CHODL: variants seen among roughly 807,000 people sequenced by gnomAD.
CHODL encodes chondrolectin.
A neutral mutation model predicts 34.5 loss-of-function variants in CHODL; 29 were observed. The observed-to-expected ratio is 0.84, with a 90% CI of 0.63 to 1.15. CHODL has a LOEUF of 1.15. Ranked by LOEUF, CHODL falls within the 50% of genes most tolerant of loss-of-function variation. The pLI, the probability that CHODL is intolerant of heterozygous loss-of-function variation, is 0.00. For missense variants in CHODL, 332 were observed against 332.5 expected (o/e 1.00, Z 0.01); for synonymous variants, 125 against 116.1 (o/e 1.08, Z -0.49).
At chr21:18,240,349 A>G (rs551887952), upstream of CHODL, among the ~76,000 whole-genome samples, 41 of 152,274 alleles carry the variant, frequency 2.7e-4, no homozygotes, top group African/African-American at 9.6e-4. Context: ...AATCTCATTC[A>G]GTCAGGAAAC....
intron 1 of CHODL, among the ~76,000 whole-genome samples, chr21:17,990,781 A>T (rs1468477519): frequency 6.6e-6 from 1 of 152,140 alleles, no homozygotes; most frequent in East Asian, 1.9e-4. Flanking sequence ...TAATTAGGAT[A>T]TCTGTTACCT....
intron 1 of CHODL, among the ~76,000 whole-genome samples, chr21:18,248,708 TA>T (rs1353406362): frequency 5.1e-5 from 6 of 118,406 alleles, no homozygotes; most frequent in African/African-American, 2.3e-4. Context: ...TATATGTATA[TA>T]ATATATACAT....
intron 2 of CHODL, among the ~76,000 whole-genome samples, chr21:18,166,267 G>A (rs189459396): frequency 4.9e-4 from 75 of 152,210 alleles, no homozygotes; most frequent in African/African-American, 1.6e-3. Context: ...ACCCTCTTAC[G>A]CTTCAAATGT....
At chr21:17,946,197 C>T (rs1319511772) in intron 1 of CHODL, among the ~76,000 whole-genome samples, 2 of 152,220 alleles carry the variant, frequency 1.3e-5, no homozygotes, top group Non-Finnish European at 2.9e-5. Flanking sequence ...GCGGGCGGAT[C>T]ACGAGGGCAG....
chr21:18,133,612 A>G (rs1015315008), intron 2 of CHODL, among the ~76,000 whole-genome samples: 6 of 152,192 alleles, frequency 3.9e-5, no homozygotes, highest in African/African-American at 1.2e-4. Context: ...TTTACTGTCC[A>G]GGATAATAAA....
At chr21:18,144,186 AT>A (rs1156655221) in intron 2 of CHODL, among the ~76,000 whole-genome samples, 1 of 152,124 alleles carries the variant, frequency 6.6e-6, no homozygotes, top group Non-Finnish European at 1.5e-5. Flanking sequence ...TTCTGGGGTC[AT>A]TTATTGTAAA....
intron 2 of CHODL, among the ~76,000 whole-genome samples, chr21:18,199,884 G>A (rs1475507066): frequency 6.6e-6 from 1 of 152,102 alleles, no homozygotes. Context: ...CCAGATTGGG[G>A]CAGTCATGAA....
In CHODL at chr21:17,918,451, T is replaced by C. The variant is rs145471212; in HGVS notation, c.-145+1051T>C. Among the ~76,000 whole-genome samples the C allele has an allele frequency of 8.0e-3, 1,220 of 152,258 alleles. 19 individuals are homozygous for C. The highest frequency in any genetic ancestry group is 0.027 in the African/African-American group (1,123 of 41,546). On this transcript the variant is annotated intron_variant, in intron 1 of 6. Coordinates refer to the CHODL transcript ENST00000400127. ...GTGGAAGGCAAGAAGGAGCAAGTCA[T>C]GTCTTACATGGATGGCAGCAGGCAA...
At chr21:18,072,945 T>A (rs2064822960) in intron 2 of CHODL, among the ~76,000 whole-genome samples, 1 of 152,194 alleles carries the variant, frequency 6.6e-6, no homozygotes, top group African/African-American at 2.4e-5. Context: ...TGTATTTTGA[T>A]GTCTCATTTA....
intron 1 of CHODL, among the ~76,000 whole-genome samples, chr21:17,960,360 GAT>G (rs1203464160): frequency 6.6e-6 from 1 of 152,212 alleles, no homozygotes; most frequent in Non-Finnish European, 1.5e-5. Context: ...GGGTATGTTA[GAT>G]GATAGATTAA....
chr21:18,108,657 T>A (rs1482681467), intron 2 of CHODL, among the ~76,000 whole-genome samples: 1 of 152,134 alleles, frequency 6.6e-6, no homozygotes, highest in African/African-American at 2.4e-5. Context: ...ATAAATCCTA[T>A]ACAGATAGGA....
intron 1 of CHODL, among the ~76,000 whole-genome samples, chr21:17,981,344 C>G (rs539351304): frequency 1.6e-4 from 25 of 152,236 alleles, no homozygotes; most frequent in African/African-American, 5.8e-4. Flanking sequence ...CAGCTTTAAA[C>G]AAAGAACTGT....
intron 2 of CHODL, among the ~76,000 whole-genome samples, chr21:18,037,788 T>C (rs2064328531): frequency 6.6e-6 from 1 of 151,754 alleles, no homozygotes. Context: ...ATTAGAACAC[T>C]TAGCAGCAAT....
At chr21:18,136,343 A>G (rs981871506) in intron 2 of CHODL, among the ~76,000 whole-genome samples, 1 of 152,056 alleles carries the variant, frequency 6.6e-6, no homozygotes, top group African/African-American at 2.4e-5. Flanking sequence ...GGGCAGTCTC[A>G]TGTTTTTCTC....
chr21:18,023,487 C>A (rs938342503), intron 1 of CHODL, among the ~76,000 whole-genome samples: 1 of 151,926 alleles, frequency 6.6e-6, no homozygotes, highest in Non-Finnish European at 1.5e-5. Flanking sequence ...AAAAGGATGT[C>A]GCGAACCCAA....
chr21:18,206,321 G>T (rs551585434), intron 2 of CHODL, among the ~76,000 whole-genome samples: 1 of 152,248 alleles, frequency 6.6e-6, no homozygotes, highest in East Asian at 1.9e-4. Flanking sequence ...TACTGCAGTA[G>T]TAGGTACATA....
At position 18,039,108 on chromosome 21, in the gene CHODL, T is replaced by C. The variant is rs369548047; in HGVS notation, c.-45+11137T>C. ...GGATGGAAGCTATTTAGTTTAGTGA[T>C]AATTCTGAATCGAGGGATTCTTAAT... is the stretch of plus-strand genomic sequence containing the variant. On this transcript the variant is annotated intron_variant, in intron 2 of 6. Transcript: ENST00000400127. 3.3e-5 allele frequency among the ~76,000 whole-genome samples: 5 copies of C among 151,772 alleles called. No individual in the cohort carries two copies. The South Asian group carries it at 1.0e-3, about 31-fold the overall frequency.
intron 1 of CHODL, among the ~76,000 whole-genome samples, chr21:17,983,055 C>T (rs1191509920): frequency 3.3e-5 from 5 of 152,102 alleles, no homozygotes; most frequent in Admixed American, 2.6e-4. Context: ...TAATTTTTGA[C>T]TTAAATGTAA....
At chr21:18,028,944 C>T (rs962957519) in intron 2 of CHODL, among the ~76,000 whole-genome samples, 4 of 152,054 alleles carry the variant, frequency 2.6e-5, no homozygotes, top group Admixed American at 1.3e-4. Context: ...TTTATAAATT[C>T]ATTGTCTCTT....
Sources: gnomAD v4.1 joint callset for allele counts (sites outside exome capture counted in the v4.1 genomes callset) on GRCh38, gnomAD v4.1.1 for gene constraint, MANE v1.5 for transcripts, NCBI Gene and HGNC (gene_info 2026-07-23, HGNC 2026-07-21) for gene names.